Variants in PAG1 observed in about 807,000 individuals in gnomAD.
PAG1 encodes phosphoprotein associated with glycosphingolipid-enriched microdomains 1.
In PAG1, 23 loss-of-function variants were observed where a neutral mutation model predicts 31.7. That is an observed-to-expected ratio of 0.73 (90% CI 0.52 to 1.03). The LOEUF is 1.03. Among genes scored for constraint, PAG1 ranks in the 50% least tolerant of loss-of-function variants. The pLI is 0.00. For synonymous variants in PAG1, 214 were observed against 210.3 expected (o/e 1.02, Z -0.15); for missense variants, 473 against 540.7 (o/e 0.87, Z 1.24).
At chr8:81,086,997 G>C (rs553983519) in intron 1 of PAG1, among the ~76,000 whole-genome samples, 1 of 152,268 alleles carries the variant, frequency 6.6e-6, no homozygotes, top group South Asian at 2.1e-4. Context: ...GGGTCAGTTT[G>C]CTGACCCCTA....
At chr8:81,107,040 C>T (rs1809704331) in intron 1 of PAG1, among the ~76,000 whole-genome samples, 1 of 152,110 alleles carries the variant, frequency 6.6e-6, no homozygotes, top group African/African-American at 2.4e-5. Context: ...CAGGTCTCCA[C>T]ACTTCTCCTT....
At chr8:81,074,040 C>T (rs922755335) in intron 1 of PAG1, among the ~76,000 whole-genome samples, 1 of 152,132 alleles carries the variant, frequency 6.6e-6, no homozygotes, top group African/African-American at 2.4e-5. Context: ...GGTGTGGGCA[C>T]ACGTGCAGAC....
At chr8:81,094,291 A>G (rs1809492871) in intron 1 of PAG1, among the ~76,000 whole-genome samples, 1 of 152,176 alleles carries the variant, frequency 6.6e-6, no homozygotes, top group African/African-American at 2.4e-5. Flanking sequence ...TTCCTCACAC[A>G]TTCAGATGGG....
At chr8:81,083,432 C>T (rs1809300779) in intron 1 of PAG1, among the ~76,000 whole-genome samples, 1 of 152,086 alleles carries the variant, frequency 6.6e-6, no homozygotes, top group East Asian at 1.9e-4. Context: ...TGGCTCCCTA[C>T]TCAGTTTTCT....
chr8:81,053,609 T>C (rs1046494647), intron 2 of PAG1, among the ~76,000 whole-genome samples: 22 of 152,272 alleles, frequency 1.4e-4, no homozygotes, highest in African/African-American at 5.3e-4. Context: ...AGTGTATGTA[T>C]TTAGGATAAT....
At chr8:81,011,375 AG>A (rs917827131) in intron 3 of PAG1, among the ~76,000 whole-genome samples, 2 of 152,180 alleles carry the variant, frequency 1.3e-5, no homozygotes, top group Non-Finnish European at 2.9e-5. Flanking sequence ...TGGTTTTATA[AG>A]GGGAACTCCT....
intron 2 of PAG1, among the ~76,000 whole-genome samples, chr8:81,062,150 A>C (rs928114293): frequency 2.6e-5 from 4 of 152,256 alleles, no homozygotes; most frequent in Non-Finnish European, 5.9e-5. Flanking sequence ...ACTCATCGCA[A>C]TAGTCACCAG....
At chr8:81,037,041 G>A (rs757753506) in intron 2 of PAG1, 7 of 152,104 alleles carry the variant, frequency 4.6e-5, no homozygotes, top group Non-Finnish European at 8.8e-5. Context: ...GTGAAGATAA[G>A]ATGAAGGCAA....
chr8:81,062,860 G>A (rs894209832), intron 2 of PAG1, among the ~76,000 whole-genome samples: 32 of 152,094 alleles, frequency 2.1e-4, no homozygotes, highest in African/African-American at 7.7e-4. Context: ...AAGCACATTA[G>A]CACCATAATT....
At chr8:81,103,343 A>G (rs2131120286) in intron 1 of PAG1, among the ~76,000 whole-genome samples, 1 of 152,276 alleles carries the variant, frequency 6.6e-6, no homozygotes, top group African/African-American at 2.4e-5. Context: ...AGCTATTCAC[A>G]AAGATACAGC....
rs189576977 is a variant in PAG1 at position 80,998,650 on chromosome 8, T to C, written c.-80-5343A>G. On this transcript the variant is annotated intron_variant, in intron 3 of 8. Coordinates refer to ENST00000220597, the MANE Select transcript of PAG1 (RefSeq NM_018440.4). Reference sequence around the variant, plus strand: ...GTGCAGACCAAATGGCAGCTATTTATTTCTTTGGCCAAACATCCTTAACAG... The same window carrying C: ...GTGCAGACCAAATGGCAGCTATTTACTTCTTTGGCCAAACATCCTTAACAG... Among the ~76,000 whole-genome samples the C allele has an allele frequency of 9.9e-5, 15 of 152,160 alleles. No homozygotes were observed. In the East Asian group the frequency reaches 2.7e-3, roughly 27 times the overall value.
chr8:80,997,296 G>C (rs1217206747), intron 3 of PAG1, among the ~76,000 whole-genome samples: 1 of 150,896 alleles, frequency 6.6e-6, no homozygotes, highest in Non-Finnish European at 1.5e-5. Context: ...TCTTTTTTTT[G>C]AGACAGGGTC....
chr8:81,094,458 T>G (rs1809494766), intron 1 of PAG1, among the ~76,000 whole-genome samples: 1 of 152,222 alleles, frequency 6.6e-6, no homozygotes, highest in Non-Finnish European at 1.5e-5. Flanking sequence ...AAATAAATGA[T>G]TCATGGCAAC....
intron 2 of PAG1, among the ~76,000 whole-genome samples, chr8:81,031,298 T>C (rs994628230): frequency 6.6e-6 from 1 of 152,220 alleles, no homozygotes; most frequent in Admixed American, 6.5e-5. Flanking sequence ...ATGGGCTGTC[T>C]TCTTCTAAGC....
rs553590125 is a variant in PAG1 at position 80,979,202 on chromosome 8, T to C, written c.936+1233A>G. On this transcript the variant is annotated intron_variant, in intron 8 of 8. Coordinates refer to ENST00000220597, the MANE Select transcript of PAG1 (RefSeq NM_018440.4). ...CAAACAAATGTAAGATAAGGAGCAA[T>C]TTAAAATTTTACATAGTCTTTAATT... is the stretch of plus-strand genomic sequence containing the variant. 1.3e-3 allele frequency among the ~76,000 whole-genome samples: 193 copies of C among 152,280 alleles called. 1 individual carries two copies. The highest frequency in any genetic ancestry group is 4.5e-3 in the African/African-American group (185 of 41,554).
At chr8:81,041,292 G>C (rs929539644) in intron 2 of PAG1, among the ~76,000 whole-genome samples, 2 of 152,140 alleles carry the variant, frequency 1.3e-5, no homozygotes, top group Non-Finnish European at 2.9e-5. Flanking sequence ...AACCACAATA[G>C]AGGGACAAAA....
At chr8:80,988,240 A>C (rs549902584) in intron 5 of PAG1, among the ~76,000 whole-genome samples, 1 of 152,300 alleles carries the variant, frequency 6.6e-6, no homozygotes, top group African/African-American at 2.4e-5. Context: ...TCATCCTTAC[A>C]ACACAGGTGC....
intron 1 of PAG1, among the ~76,000 whole-genome samples, chr8:81,088,887 G>A (rs1809402357): frequency 6.6e-6 from 1 of 152,186 alleles, no homozygotes; most frequent in East Asian, 1.9e-4. Context: ...AATCAGCAAA[G>A]GACAGTTTCT....
chr8:80,991,411 A>G (rs1807544037), intron 5 of PAG1, 68 bp downstream of exon 5: 1 of 1,237,240 alleles, frequency 8.1e-7, no homozygotes, highest in Non-Finnish European at 1.2e-6. Flanking sequence ...ATGGGAGCAC[A>G]CTTAGATAAG....
Sources: allele counts gnomAD v4.1 joint callset (sites outside exome capture counted in the v4.1 genomes callset), GRCh38; gene constraint gnomAD v4.1.1; transcripts MANE v1.5; gene names NCBI Gene and HGNC (gene_info 2026-07-23, HGNC 2026-07-21).